C11orf65: variants seen among roughly 807,000 people sequenced by gnomAD.
The protein encoded by C11orf65 is protein MFI.
A neutral mutation model predicts 35.3 loss-of-function variants in C11orf65; 38 were observed. That is an observed-to-expected ratio of 1.08 (90% confidence interval 0.83 to 1.41). The LOEUF (loss-of-function observed/expected upper bound fraction) is 1.41. Among genes scored for constraint, C11orf65 ranks in the 40% most tolerant of loss-of-function variants. The pLI, the probability that C11orf65 is intolerant of heterozygous loss-of-function variation, is 0.00. For missense variants in C11orf65, 370 were observed against 367.1 expected, an observed-to-expected ratio of 1.01 and a Z score of -0.06; for synonymous variants, 105 against 114.4, an observed-to-expected ratio of 0.92 and a Z score of 0.53.
chr11:108,345,027 G>A (rs2088137790), intron 2 of C11orf65, among the ~76,000 whole-genome samples: 1 of 152,030 alleles, frequency 6.6e-6, no homozygotes, highest in Non-Finnish European at 1.5e-5. Context: ...AAATGTTGGA[G>A]AAAAGGAGTA....
chr11:108,332,255 A>G (rs2086342974), intron 3 of C11orf65, among the ~76,000 whole-genome samples: 1 of 152,008 alleles, frequency 6.6e-6, no homozygotes, highest in South Asian at 2.1e-4. Flanking sequence ...GACACAGCAA[A>G]ACCCTGTCTC....
chr11:108,459,726 T>TACACACACACACACACACACACACACAC (rs60928526), intron 2 of C11orf65, among the ~76,000 whole-genome samples: 1 of 138,570 alleles, frequency 7.2e-6, no homozygotes, highest in Non-Finnish European at 1.6e-5. Flanking sequence ...GTCCTCCGTC[T>TACACACACACACACACACACACACACAC]ACACACACAC....
chr11:108,431,984 C>T, intron 2 of C11orf65, 146 bp from the exon 3 acceptor site: 1 of 448,400 alleles, frequency 2.2e-6, no homozygotes. Context: ...ATTATGCACT[C>T]AGGGTTTGCT....
chr11:108,354,620 A>G (rs994401050), intron 2 of C11orf65, among the ~76,000 whole-genome samples: 4 of 152,350 alleles, frequency 2.6e-5, no homozygotes, highest in East Asian at 3.9e-4. Context: ...GAAATAGTCA[A>G]ATACATATTT....
intron 2 of C11orf65, among the ~76,000 whole-genome samples, chr11:108,373,517 C>T (rs1051762528): frequency 2.0e-5 from 3 of 152,162 alleles, no homozygotes; most frequent in African/African-American, 4.8e-5. Flanking sequence ...AAAGACATAC[C>T]GTTTTAAAAA....
chr11:108,410,619 T>C (rs1025509186), intron 3 of C11orf65, among the ~76,000 whole-genome samples: 1 of 152,158 alleles, frequency 6.6e-6, no homozygotes, highest in Non-Finnish European at 1.5e-5. Flanking sequence ...CTTCCCAAAC[T>C]GCTGGGATTA....
At chr11:108,372,246 T>G (rs1362867835) in intron 2 of C11orf65, among the ~76,000 whole-genome samples, 1 of 152,208 alleles carries the variant, frequency 6.6e-6, no homozygotes, top group Non-Finnish European at 1.5e-5. Context: ...CAGGCTGGAG[T>G]GCAGCAGCAC....
At position 108,393,315 on chromosome 11, in the gene C11orf65, A is replaced by G. The variant is rs2092213552; in HGVS notation, c.624T>C (p.Thr208=). The change falls in exon 7 of 9, where the codon ACT becomes ACC. Residue 208 remains threonine (T), a synonymous_variant. Transcript: ENST00000393084. ...THHETLGLIH[T]ATKGLIRAFE... ...AAGCTCTAATCAGCCCCTTTGTTGC[A>G]GTGTGAATTAGTCCTAGAGTTTCAT... is the stretch of plus-strand genomic sequence containing the variant. 2 of 1,614,094 alleles carry G rather than the reference A, an allele frequency of 1.2e-6. No homozygotes were observed. Among genetic ancestry groups the G allele is most frequent in the East Asian group, 4.5e-5 (2 of 44,860 alleles).
intron 1 of C11orf65, among the ~76,000 whole-genome samples, chr11:108,465,065 T>C (rs1015611820): frequency 6.6e-6 from 1 of 152,222 alleles, no homozygotes; most frequent in African/African-American, 2.4e-5. Flanking sequence ...TTACCTGTTA[T>C]CAATGTAGTG....
chr11:108,365,448 GC>G lies in C11orf65; in HGVS notation c.226+27759del, dbSNP rs587779878. On this transcript the variant is annotated intron_variant, in intron 2 of 3. Transcript: ENST00000524755. ...GTGGACAAGTGAATTTGCTCATACA[GC>G]AGGCCATAGACCCCAAAAATCTCAG... is the stretch of plus-strand genomic sequence containing the variant. 6.2e-7 allele frequency: 1 copy of G among 1,614,190 alleles called. No individual in the cohort carries two copies. The highest frequency in any genetic ancestry group is 8.5e-7 in the Non-Finnish European group (1 of 1,180,040).
chr11:108,363,838 A>T (rs1423758685), intron 2 of C11orf65, among the ~76,000 whole-genome samples: 1 of 152,062 alleles, frequency 6.6e-6, no homozygotes, highest in African/African-American at 2.4e-5. Context: ...AGTAATTTAG[A>T]TTTTTCTTCT....
intron 2 of C11orf65, among the ~76,000 whole-genome samples, chr11:108,364,291 G>C (rs2091104511): frequency 6.6e-6 from 1 of 152,148 alleles, no homozygotes; most frequent in African/African-American, 2.4e-5. Context: ...TTATTACTAA[G>C]ATTTGTAAGC....
intron 2 of C11orf65, among the ~76,000 whole-genome samples, chr11:108,370,705 A>G (rs530163150): frequency 6.6e-6 from 1 of 151,542 alleles, no homozygotes; most frequent in Non-Finnish European, 1.5e-5. Context: ...TTTATTACAG[A>G]TGGTGAATTT....
chr11:108,324,784 G>A (rs2085486269), intron 6 of C11orf65, among the ~76,000 whole-genome samples: 1 of 152,166 alleles, frequency 6.6e-6, no homozygotes, highest in African/African-American at 2.4e-5. Flanking sequence ...TGTGCAATAT[G>A]CCTTTTCTGT....
At chr11:108,361,782 G>T (rs80198182) in intron 2 of C11orf65, among the ~76,000 whole-genome samples, 160 of 151,866 alleles carry the variant, frequency 1.1e-3, no homozygotes, top group East Asian at 1.5e-3. Flanking sequence ...CCTTACACCT[G>T]ATACAAAAAT....
downstream of C11orf65, chr11:108,331,346 T>G: frequency 6.7e-7 from 1 of 1,502,172 alleles, no homozygotes; most frequent in Non-Finnish European, 8.9e-7. Context: ...CCACTTGTGC[T>G]AATAGAGGAG....
intron 6 of C11orf65, among the ~76,000 whole-genome samples, chr11:108,404,144 C>T (rs1339885218): frequency 6.6e-6 from 1 of 152,150 alleles, no homozygotes; most frequent in Non-Finnish European, 1.5e-5. Flanking sequence ...TAGATCTATA[C>T]TTCTGGCCAT....
chr11:108,353,950 T>A (rs2089541245), intron 2 of C11orf65: 1 of 1,441,114 alleles, frequency 6.9e-7, no homozygotes, highest in Non-Finnish European at 9.7e-7. Context: ...GCATGGTTCT[T>A]TGCACCTGTA....
intron 3 of C11orf65, among the ~76,000 whole-genome samples, chr11:108,415,865 A>T (rs1403339229): frequency 6.6e-6 from 1 of 152,198 alleles, no homozygotes. Context: ...ACAAAAGAAT[A>T]GTCTTCAACA....
Sources: allele counts gnomAD v4.1 joint callset (sites outside exome capture counted in the v4.1 genomes callset), GRCh38; gene constraint gnomAD v4.1.1; transcripts MANE v1.5; gene names NCBI Gene and HGNC (gene_info 2026-07-23, HGNC 2026-07-21).